Variants in HEMK2 observed in about 807,000 individuals in gnomAD.
HEMK2 encodes the protein methyltransferase HEMK2.
At chr21:28,803,069 G>A in the HEMK2 span, among the ~76,000 whole-genome samples, 1 of 152,198 alleles carries the variant, frequency 6.6e-6, no homozygotes, top group African/African-American at 2.4e-5. Context: ...CACCTGTGAA[G>A]TTAGCCCTGG....
chr21:28,767,458 T>C, the HEMK2 span, among the ~76,000 whole-genome samples: 3 of 152,008 alleles, frequency 2.0e-5, no homozygotes, highest in African/African-American at 4.8e-5. Flanking sequence ...TGAAAAATTA[T>C]TGAGACTACA....
the HEMK2 span, among the ~76,000 whole-genome samples, chr21:28,642,568 C>T: frequency 2.0e-5 from 3 of 152,206 alleles, no homozygotes; most frequent in African/African-American, 7.2e-5. Flanking sequence ...CCCCTGCCCT[C>T]TCAACACCAG....
chr21:28,819,544 CT>C, the HEMK2 span, among the ~76,000 whole-genome samples: 2,536 of 111,834 alleles, frequency 0.023, 69 homozygotes, highest in East Asian at 0.075. Context: ...TTTTCTTTTC[CT>C]TTTTTTTTTT....
At chr21:28,660,028 A>T in the HEMK2 span, among the ~76,000 whole-genome samples, 1,424 of 152,080 alleles carry the variant, frequency 9.4e-3, 16 homozygotes, top group South Asian at 0.036. Flanking sequence ...GGTTTTGCAC[A>T]ACTTTTAATA....
the HEMK2 span, among the ~76,000 whole-genome samples, chr21:28,758,204 T>C: frequency 1.3e-5 from 2 of 152,306 alleles, no homozygotes; most frequent in African/African-American, 4.8e-5. Context: ...AGCTGGTCAG[T>C]TATTTGCTGA....
At chr21:28,882,208 C>T in the HEMK2 span, 2 of 1,605,954 alleles carry the variant, frequency 1.2e-6, no homozygotes, top group Non-Finnish European at 1.7e-6. Context: ...AGCGTGCTGT[C>T]TCTAGGGTAC....
the HEMK2 span, among the ~76,000 whole-genome samples, chr21:28,862,596 G>A: frequency 8.2e-6 from 1 of 121,414 alleles, no homozygotes; most frequent in Non-Finnish European, 1.7e-5. Context: ...CTGAGATTGC[G>A]CCACTGCAGT....
chr21:28,719,564 T>C, the HEMK2 span, among the ~76,000 whole-genome samples: 1 of 152,180 alleles, frequency 6.6e-6, no homozygotes, highest in African/African-American at 2.4e-5. Flanking sequence ...CTCTTTCCTT[T>C]ACAAATTACC....
At chr21:28,678,090 C>T in the HEMK2 span, among the ~76,000 whole-genome samples, 7 of 152,124 alleles carry the variant, frequency 4.6e-5, no homozygotes, top group Non-Finnish European at 7.4e-5. Flanking sequence ...GACGATCAAA[C>T]TACTCTGAGC....
At chr21:28,673,504 C>T in the HEMK2 span, among the ~76,000 whole-genome samples, 1 of 130,418 alleles carries the variant, frequency 7.7e-6, no homozygotes, top group Non-Finnish European at 1.6e-5. Context: ...CATATATGGT[C>T]ATATGAATAT....
At chr21:28,813,542 A>G in the HEMK2 span, among the ~76,000 whole-genome samples, 2 of 152,286 alleles carry the variant, frequency 1.3e-5, 1 homozygote, top group Admixed American at 1.3e-4. Context: ...CCATCAAACT[A>G]CCACTGACTT....
chr21:28,793,467 A>G, the HEMK2 span, among the ~76,000 whole-genome samples: 89 of 43,288 alleles, frequency 2.1e-3, no homozygotes, highest in Middle Eastern at 0.012. Flanking sequence ...ACTTCACTTC[A>G]CGATTCTGTC....
At chr21:28,665,764 T>C in the HEMK2 span, among the ~76,000 whole-genome samples, 30,520 of 150,506 alleles carry the variant, frequency 0.2, 3,358 homozygotes, top group East Asian at 0.37. Context: ...ATAAATCATG[T>C]TGCTATAAAG....
the HEMK2 span, among the ~76,000 whole-genome samples, chr21:28,669,291 G>A: frequency 2.0e-5 from 3 of 151,358 alleles, no homozygotes; most frequent in Non-Finnish European, 3.0e-5. Flanking sequence ...CCCAAGAGGC[G>A]GGGGCTGCAG....
the HEMK2 span, among the ~76,000 whole-genome samples, chr21:28,679,743 A>C: frequency 3.3e-5 from 5 of 152,224 alleles, no homozygotes; most frequent in Admixed American, 6.5e-5. Flanking sequence ...AGGATTAAGA[A>C]ACTCACTCAA....
the HEMK2 span, among the ~76,000 whole-genome samples, chr21:28,838,973 ATATATATATAT>A: frequency 4.4e-5 from 1 of 22,518 alleles, no homozygotes; most frequent in African/African-American, 2.7e-4. Flanking sequence ...AAAAAAAAAA[ATATATATATAT>A]ATATATATAT....
At chr21:28,751,898 C>T in the HEMK2 span, among the ~76,000 whole-genome samples, 1 of 152,058 alleles carries the variant, frequency 6.6e-6, no homozygotes, top group Non-Finnish European at 1.5e-5. Context: ...ACAGGCTGGT[C>T]ACCCGCCTCA....
At chr21:28,619,363 G>A in the HEMK2 span, among the ~76,000 whole-genome samples, 1 of 152,178 alleles carries the variant, frequency 6.6e-6, no homozygotes, top group African/African-American at 2.4e-5. Flanking sequence ...ATATCTTTAA[G>A]AGAACATGAA....
At chr21:28,644,059 T>C in the HEMK2 span, among the ~76,000 whole-genome samples, 1 of 152,198 alleles carries the variant, frequency 6.6e-6, no homozygotes, top group Non-Finnish European at 1.5e-5. Flanking sequence ...CAAACCCCAC[T>C]GTACTGATCT....
Sources: allele counts gnomAD v4.1 joint callset (sites outside exome capture counted in the v4.1 genomes callset), GRCh38; gene constraint gnomAD v4.1.1; transcripts MANE v1.5; gene names NCBI Gene and HGNC (gene_info 2026-07-23, HGNC 2026-07-21).